Variants in DKK3 observed in about 807,000 individuals in gnomAD.
DKK3 encodes dickkopf Wnt signaling pathway inhibitor 3, also known as dickkopf-related protein 3.
A neutral mutation model predicts 33.2 loss-of-function variants in DKK3; 22 were observed. That is an observed-to-expected ratio of 0.66 (90% CI 0.47 to 0.95). The LOEUF (loss-of-function observed/expected upper bound fraction) is 0.95, where lower values mean the gene tolerates loss of function less well. DKK3 is among the 40% of genes least tolerant of loss of function. The pLI is 0.00. For missense variants in DKK3, 398 were observed against 458.4 expected (o/e 0.87, Z 1.20); for synonymous variants, 194 against 188.8 (o/e 1.03, Z -0.23).
chr11:12,005,259 T>A (rs1401416458), intron 1 of DKK3, among the ~76,000 whole-genome samples: 1 of 152,208 alleles, frequency 6.6e-6, no homozygotes, highest in Non-Finnish European at 1.5e-5. Flanking sequence ...GGTTCTTAAA[T>A]GGCACCATGA....
intron 3 of DKK3, among the ~76,000 whole-genome samples, chr11:11,995,529 G>A (rs967019991): frequency 4.6e-5 from 7 of 152,214 alleles, no homozygotes; most frequent in Non-Finnish European, 8.8e-5. Flanking sequence ...ACACATGCAG[G>A]ACATGCTAAG....
chr11:11,979,634 C>T (rs1286095277), intron 3 of DKK3: 1 of 152,362 alleles, frequency 6.6e-6, no homozygotes, highest in Non-Finnish European at 1.5e-5. Context: ...GGTTTCCTCA[C>T]AGGCAGAGAA....
At chr11:11,975,739 T>C (rs1847819698) in intron 3 of DKK3, among the ~76,000 whole-genome samples, 1 of 151,984 alleles carries the variant, frequency 6.6e-6, no homozygotes, top group African/African-American at 2.4e-5. Flanking sequence ...CAGGCACAGT[T>C]CCCCATTCCC....
intron 1 of DKK3, among the ~76,000 whole-genome samples, chr11:12,003,390 T>G (rs533928988): frequency 6.6e-6 from 1 of 152,284 alleles, no homozygotes; most frequent in South Asian, 2.1e-4. Flanking sequence ...CCCTTCTGGT[T>G]TTCTTAGACA....
chr11:11,970,009 G>A (rs1381696823), intron 3 of DKK3, among the ~76,000 whole-genome samples: 1 of 152,208 alleles, frequency 6.6e-6, no homozygotes, highest in Non-Finnish European at 1.5e-5. Flanking sequence ...CAACAGGGCT[G>A]GGAACAAATC....
chr11:11,983,892 TTCATAG>T (rs1848008810), intron 3 of DKK3, among the ~76,000 whole-genome samples: 1 of 152,246 alleles, frequency 6.6e-6, no homozygotes, highest in Non-Finnish European at 1.5e-5. Flanking sequence ...AAAATGGCTC[TTCATAG>T]TCTTTAGGAT....
chr11:11,988,651 T>C (rs1848121665), intron 3 of DKK3, among the ~76,000 whole-genome samples: 1 of 152,194 alleles, frequency 6.6e-6, no homozygotes, highest in African/African-American at 2.4e-5. Context: ...GGGAGGCCCC[T>C]CATGCCTCTG....
At chr11:11,971,405 G>T (rs1847722814) in intron 3 of DKK3, among the ~76,000 whole-genome samples, 1 of 152,308 alleles carries the variant, frequency 6.6e-6, no homozygotes, top group East Asian at 1.9e-4. Context: ...CTGTAAAGCA[G>T]AATAATACCA....
At chr11:11,978,015 T>A (rs1028951555) in intron 3 of DKK3, among the ~76,000 whole-genome samples, 3 of 152,246 alleles carry the variant, frequency 2.0e-5, no homozygotes, top group African/African-American at 4.8e-5. Context: ...CAATGAATAA[T>A]ATTTTCATAC....
rs1848356806 is a variant in DKK3, at chr11:11,998,791, C to T, written c.352-12G>A. On this transcript the variant is annotated splice_polypyrimidine_tract_variant and intron_variant, in intron 2 of 6. Transcript: ENST00000683431. ...TGGTTGTTGGTTATCTACAGTAAAA[C>T]AGGTACAATGAAAGTAAAATAGAAG... The T allele has an allele frequency of 6.2e-7, 1 of 1,605,636 alleles. No homozygotes were observed. The highest frequency in any genetic ancestry group is 8.5e-7 in the Non-Finnish European group (1 of 1,172,300).
intron 3 of DKK3, among the ~76,000 whole-genome samples, chr11:11,986,263 G>GT (rs1312495998): frequency 6.6e-6 from 1 of 152,156 alleles, no homozygotes; most frequent in Non-Finnish European, 1.5e-5. Context: ...CCCTGTGGCT[G>GT]TATTTTCCAC....
intron 3 of DKK3, among the ~76,000 whole-genome samples, chr11:11,986,688 T>C (rs1293254467): frequency 6.6e-6 from 1 of 152,344 alleles, no homozygotes; most frequent in African/African-American, 2.4e-5. Flanking sequence ...ATATATCTTT[T>C]AATTGAAATG....
At chr11:11,989,658 T>C (rs1055552251) in intron 3 of DKK3, among the ~76,000 whole-genome samples, 1 of 152,230 alleles carries the variant, frequency 6.6e-6, no homozygotes, top group Non-Finnish European at 1.5e-5. Context: ...AGAATTCTTT[T>C]CTCCAGTATA....
At chr11:12,005,718 C>A (rs993624227) in intron 1 of DKK3, among the ~76,000 whole-genome samples, 1 of 152,266 alleles carries the variant, frequency 6.6e-6, no homozygotes, top group East Asian at 1.9e-4. Context: ...ACAAATAATG[C>A]ATCTGGCCCA....
intron 3 of DKK3, among the ~76,000 whole-genome samples, chr11:11,985,759 A>G (rs1182179543): frequency 6.6e-6 from 1 of 152,216 alleles, no homozygotes; most frequent in African/African-American, 2.4e-5. Context: ...AGTAGCTCAT[A>G]TGAAATGGTC....
In DKK3 at chr11:11,981,845, G is replaced by A. The variant is rs565513584; in HGVS notation, c.436-13358C>T. ...TGGCTAGGACCCCTGGGCCTTCTTG[G>A]TTGCTCTCCAGGCCAAACAGGTTTA... On this transcript the variant is annotated intron_variant, in intron 3 of 6. Transcript: ENST00000683431. 1.1e-4 allele frequency among the ~76,000 whole-genome samples: 17 copies of A among 152,182 alleles called. No homozygotes were observed. In the East Asian group the frequency reaches 1.9e-3, roughly 17 times the overall value.
chr11:11,978,486 CTCT>C (rs143534733), intron 3 of DKK3, among the ~76,000 whole-genome samples: 74,534 of 147,892 alleles, frequency 0.5, 22,223 homozygotes, highest in Middle Eastern at 0.79. Context: ...CTTTTTCTTC[CTCT>C]TCTTCTTCTT....
At chr11:11,990,449 G>C (rs756106967) in intron 3 of DKK3, among the ~76,000 whole-genome samples, 6 of 152,256 alleles carry the variant, frequency 3.9e-5, no homozygotes, top group Non-Finnish European at 7.3e-5. Flanking sequence ...CAAGCCTTCA[G>C]CTTCAGCAGG....
intron 1 of DKK3, among the ~76,000 whole-genome samples, chr11:12,006,186 A>G (rs1173982807): frequency 6.6e-6 from 1 of 152,094 alleles, no homozygotes; most frequent in African/African-American, 2.4e-5. Flanking sequence ...AAGCTGCAGA[A>G]TTAAGAGACA....
Sources: allele counts gnomAD v4.1 joint callset (sites outside exome capture counted in the v4.1 genomes callset), GRCh38; gene constraint gnomAD v4.1.1; transcripts MANE v1.5; gene names NCBI Gene and HGNC (gene_info 2026-07-23, HGNC 2026-07-21).